ZNF536: variants seen among roughly 807,000 people sequenced by gnomAD.
ZNF536 encodes zinc finger protein 536.
Under a neutral mutation model 84.5 loss-of-function variants are expected in ZNF536, and 13 were observed. The ratio of observed to expected loss-of-function variants is 0.15; its 90% CI spans 0.10 to 0.24. The LOEUF (loss-of-function observed/expected upper bound fraction) is 0.24. Among genes scored for constraint, ZNF536 ranks in the 10% least tolerant of loss-of-function variants. The pLI is 1.00. For synonymous variants in ZNF536, 811 were observed against 742.5 expected (o/e 1.09, Z -1.50); for missense variants, 1,536 against 1,747.5 (o/e 0.88, Z 2.16).
At chr19:30,523,346 A>T (rs1454229177) in intron 2 of ZNF536, among the ~76,000 whole-genome samples, 1 of 152,004 alleles carries the variant, frequency 6.6e-6, no homozygotes, top group African/African-American at 2.4e-5. Context: ...TATACCTTAG[A>T]CTCTACAATC....
chr19:30,581,302 C>T (rs938339036), intron 1 of ZNF536, among the ~76,000 whole-genome samples: 1 of 152,072 alleles, frequency 6.6e-6, no homozygotes, highest in South Asian at 2.1e-4. Flanking sequence ...CACAGTGAAA[C>T]TCTTTCTCTA....
chr19:30,611,457 T>G (rs1436949422), intron 1 of ZNF536, among the ~76,000 whole-genome samples: 1 of 152,174 alleles, frequency 6.6e-6, no homozygotes, highest in Non-Finnish European at 1.5e-5. Context: ...AAGACAGAAA[T>G]AAAAGGTGTT....
At chr19:30,699,984 CTCTT>C (rs1012252332) in intron 1 of ZNF536, among the ~76,000 whole-genome samples, 28 of 152,114 alleles carry the variant, frequency 1.8e-4, no homozygotes, top group African/African-American at 6.8e-4. Flanking sequence ...TCTCTTCTTT[CTCTT>C]TCTCTCTTTT....
rs534523948 is a variant in ZNF536, at chr19:30,670,379, G to C, written c.170-40378G>C. 1.5e-4 allele frequency among the ~76,000 whole-genome samples: 23 copies of C among 152,338 alleles called. 1 individual carries two copies. The South Asian group carries it at 4.8e-3, about 32-fold the overall frequency. The stretch of plus-strand genomic sequence containing the variant: ...GGCATTCATTTGGGCTGGGTGTTCT[G>C]CCTGTGAAATCCGTGGTCACGATGA... On this transcript the variant is annotated intron_variant, in intron 1 of 1. Transcript: ENST00000592773.
chr19:30,712,361 G>A (rs1388602099), exon 2 of ZNF536: 1 of 151,742 alleles, frequency 6.6e-6, no homozygotes, highest in African/African-American at 2.4e-5. Flanking sequence ...TGAAATTGGT[G>A]CTGTTGCTTG....
chr19:30,459,406 C>A (rs970355282), intron 2 of ZNF536, among the ~76,000 whole-genome samples: 8 of 147,932 alleles, frequency 5.4e-5, no homozygotes, highest in African/African-American at 1.8e-4. Flanking sequence ...GCTGGAATGC[C>A]ATGGCTCCGT....
At chr19:30,519,768 C>G (rs1043285350) in intron 2 of ZNF536, among the ~76,000 whole-genome samples, 2 of 152,084 alleles carry the variant, frequency 1.3e-5, no homozygotes, top group African/African-American at 4.8e-5. Flanking sequence ...TTCATTCATT[C>G]GGCTGGTCAC....
chr19:30,378,145 C>T (rs2048887498), intron 1 of ZNF536, among the ~76,000 whole-genome samples: 1 of 152,092 alleles, frequency 6.6e-6, no homozygotes, highest in Non-Finnish European at 1.5e-5. Context: ...CCTGGATGCC[C>T]TAACCAAGTT....
intron 1 of ZNF536, among the ~76,000 whole-genome samples, chr19:30,376,725 C>T (rs1315643864): frequency 6.6e-6 from 1 of 152,220 alleles, no homozygotes; most frequent in Non-Finnish European, 1.5e-5. Flanking sequence ...GTTCCCTCTT[C>T]AGCACATCCT....
At chr19:30,569,714 G>T (rs2046476871) in intron 1 of ZNF536, among the ~76,000 whole-genome samples, 1 of 151,678 alleles carries the variant, frequency 6.6e-6, no homozygotes, top group African/African-American at 2.4e-5. Context: ...GGGATTGCAG[G>T]CATGCACCAC....
At chr19:30,353,216 T>G (rs908727459) in intron 3 of ZNF536, among the ~76,000 whole-genome samples, 1 of 152,032 alleles carries the variant, frequency 6.6e-6, no homozygotes, top group Non-Finnish European at 1.5e-5. Flanking sequence ...GTATTAAGAA[T>G]CGGAAGGGAT....
chr19:30,548,691 C>T lies in ZNF536; in HGVS notation c.3072C>T (p.His1024=), dbSNP rs2146213009. 1 of 1,614,046 alleles carries T rather than the reference C, an allele frequency of 6.2e-7. No homozygotes were observed. Among genetic ancestry groups the T allele is most frequent in the South Asian group, 1.1e-5 (1 of 91,082 alleles). ...TGGCCCTTCATCTCCAGGCCAACCA[C>T]CTGGGCAAAGCGAAACGCAAAGATA... ...ELMALHLQAN[H]LGKAKRKDNT... is the part of the protein sequence containing the mutation. The change falls in exon 4 of 5, where the codon CAC becomes CAT. Residue 1024 remains histidine (H), a synonymous_variant. Coordinates refer to ENST00000355537, the MANE Select transcript of ZNF536 (RefSeq NM_014717.3).
At chr19:30,352,412 A>G (rs1379533578) in exon 3 of ZNF536, 1 of 152,232 alleles carries the variant, frequency 6.6e-6, no homozygotes. Flanking sequence ...GCCTGCACCA[A>G]CTTTATCCTT....
intron 2 of ZNF536, among the ~76,000 whole-genome samples, chr19:30,511,770 G>A (rs145884948): frequency 1.2e-3 from 182 of 152,324 alleles, no homozygotes; most frequent in African/African-American, 4.3e-3. Context: ...GTGGCTCAGA[G>A]CTTACATGGG....
chr19:30,565,207 G>C (rs1045904587), intron 1 of ZNF536, among the ~76,000 whole-genome samples: 2 of 148,244 alleles, frequency 1.3e-5, no homozygotes, highest in Non-Finnish European at 3.0e-5. Flanking sequence ...GCTTCTTCTT[G>C]GTCTTCTGGA....
chr19:30,395,036 C>A (rs151061916), intron 1 of ZNF536, among the ~76,000 whole-genome samples: 1 of 152,102 alleles, frequency 6.6e-6, no homozygotes, highest in Non-Finnish European at 1.5e-5. Flanking sequence ...TTAGTGTAAT[C>A]CTTATTTGCA....
intron 1 of ZNF536, among the ~76,000 whole-genome samples, chr19:30,414,897 TC>T (rs1055966914): frequency 6.6e-6 from 1 of 152,220 alleles, no homozygotes; most frequent in African/African-American, 2.4e-5. Context: ...TAAAATAACT[TC>T]CCCCAGCCCT....
At chr19:30,506,873 A>G (rs920416294) in intron 2 of ZNF536, among the ~76,000 whole-genome samples, 10 of 152,220 alleles carry the variant, frequency 6.6e-5, no homozygotes, top group African/African-American at 2.4e-4. Flanking sequence ...GAAGGAAAAT[A>G]TCAGTCTTAA....
At chr19:30,327,040 A>G (rs548144484) in intron 2 of ZNF536, among the ~76,000 whole-genome samples, 20 of 152,042 alleles carry the variant, frequency 1.3e-4, no homozygotes, top group Non-Finnish European at 2.6e-4. Context: ...GCTTCAGCCC[A>G]GCAATAACTG....
Sources: gnomAD v4.1 joint callset for allele counts (sites outside exome capture counted in the v4.1 genomes callset) on GRCh38, gnomAD v4.1.1 for gene constraint, MANE v1.5 for transcripts, NCBI Gene and HGNC (gene_info 2026-07-23, HGNC 2026-07-21) for gene names.